The following SERPIND1 variants were observed in gnomAD, a reference collection of about 807,000 sequenced individuals.
SERPIND1 encodes the protein serpin family D member 1.
A neutral mutation model predicts 35.0 loss-of-function variants in SERPIND1; 34 were observed. The ratio of observed to expected loss-of-function variants is 0.97; its 90% confidence interval spans 0.74 to 1.29. The LOEUF (loss-of-function observed/expected upper bound fraction) is 1.29, where lower values mean the gene tolerates loss of function less well. Among genes scored for constraint, SERPIND1 ranks in the 50% most tolerant of loss-of-function variants. SERPIND1 has a pLI of 0.00. For synonymous variants in SERPIND1, 236 were observed against 241.1 expected (o/e 0.98, Z 0.19); for missense variants, 633 against 637.7 (o/e 0.99, Z 0.08).
At chr22:20,783,854 G>A (rs1933989949) in intron 2 of SERPIND1, 118 bp from the exon 3 acceptor site, 3 of 1,333,942 alleles carry the variant, frequency 2.2e-6, no homozygotes, top group East Asian at 4.6e-5. Context: ...GAGACTGTGG[G>A]GTCGGCTCTG....
chr22:20,775,104 C>T (rs901349832), intron 1 of SERPIND1, among the ~76,000 whole-genome samples: 2 of 151,926 alleles, frequency 1.3e-5, no homozygotes, highest in East Asian at 1.9e-4. Flanking sequence ...GGAGGGATGA[C>T]GGTTTATCAA....
intron 4 of SERPIND1, among the ~76,000 whole-genome samples, chr22:20,786,397 C>T (rs938219991): frequency 3.9e-5 from 6 of 152,202 alleles, no homozygotes; most frequent in African/African-American, 1.4e-4. Flanking sequence ...GCCCCACTCC[C>T]GCTGACACCA....
chr22:20,785,365 C>G (rs1934136303), intron 3 of SERPIND1, among the ~76,000 whole-genome samples: 2 of 152,232 alleles, frequency 1.3e-5, no homozygotes, highest in Non-Finnish European at 1.5e-5. Flanking sequence ...GCCGCTGTGC[C>G]TGGCCCATTT....
intron 1 of SERPIND1, among the ~76,000 whole-genome samples, chr22:20,778,458 C>T (rs1933477957): frequency 6.6e-6 from 1 of 152,088 alleles, no homozygotes; most frequent in Admixed American, 6.6e-5. Context: ...AAGCCGAGAT[C>T]GCGCCACTGC....
At chr22:20,777,627 T>C (rs1414701378) in intron 1 of SERPIND1, among the ~76,000 whole-genome samples, 4 of 152,236 alleles carry the variant, frequency 2.6e-5, no homozygotes, top group African/African-American at 9.6e-5. Flanking sequence ...GTTGGGATTA[T>C]AGGCGTAAGC....
chr22:20,784,153 T>C lies in SERPIND1; in HGVS notation c.1071T>C (p.Ile357=). 6.2e-7 allele frequency: 1 copy of C among 1,614,116 alleles called. No individual in the cohort carries two copies. The change falls in exon 3 of 5, where the codon ATT becomes ATC. Residue 357 remains isoleucine, a synonymous_variant. Coordinates refer to ENST00000215727, the MANE Select transcript of SERPIND1 (RefSeq NM_000185.4). ...ACGTGGGGGGCATCAGCATGCTAATTGTGGTCCCACACAAGATGTCTGGGA... is the reference window on the plus strand; with the variant it reads ...ACGTGGGGGGCATCAGCATGCTAATCGTGGTCCCACACAAGATGTCTGGGA... ...LEYVGGISML[I]VVPHKMSGMK...
intron 4 of SERPIND1, among the ~76,000 whole-genome samples, chr22:20,786,464 G>T (rs1430175632): frequency 6.6e-6 from 1 of 152,192 alleles, no homozygotes; most frequent in Non-Finnish European, 1.5e-5. Context: ...GCCAAATCAT[G>T]AAAGAGCCAT....
chr22:20,784,543 T>A (rs984979557), intron 3 of SERPIND1, among the ~76,000 whole-genome samples: 1 of 152,124 alleles, frequency 6.6e-6, no homozygotes, highest in African/African-American at 2.4e-5. Flanking sequence ...TCATCATCCC[T>A]AAAATGGGTA....
chr22:20,777,219 C>CT (rs374097207), intron 1 of SERPIND1, among the ~76,000 whole-genome samples: 4,553 of 140,966 alleles, frequency 0.032, 83 homozygotes, highest in Middle Eastern at 0.064. Flanking sequence ...TTTTTCTTTT[C>CT]TTTTTTTTTT....
chr22:20,783,948 A>C (rs1934000033), intron 2 of SERPIND1, 24 bp from the exon 3 acceptor site: 1 of 1,614,030 alleles, frequency 6.2e-7, no homozygotes, highest in South Asian at 1.1e-5. Context: ...TTCTCATAAC[A>C]GCCTCTTCCT....
intron 2 of SERPIND1, among the ~76,000 whole-genome samples, chr22:20,781,424 T>C (rs1933789403): frequency 6.6e-6 from 1 of 152,256 alleles, no homozygotes. Flanking sequence ...CAGTGCTTTC[T>C]GCTAGTTAGC....
chr22:20,786,587 C>T (rs532126904), intron 4 of SERPIND1, among the ~76,000 whole-genome samples: 10 of 152,306 alleles, frequency 6.6e-5, no homozygotes, highest in Admixed American at 3.3e-4. Flanking sequence ...CGGAGAAGTG[C>T]GCAGCAGTGT....
intron 4 of SERPIND1, 30 bp downstream of exon 4, chr22:20,786,178 G>A (rs893542021): frequency 1.7e-5 from 28 of 1,612,376 alleles, no homozygotes; most frequent in Middle Eastern, 3.7e-4. Flanking sequence ...CCCCCGACCC[G>A]TCCCCAGGGT....
At chr22:20,781,933 G>C (rs555813499) in intron 2 of SERPIND1, among the ~76,000 whole-genome samples, 2 of 152,190 alleles carry the variant, frequency 1.3e-5, no homozygotes, top group African/African-American at 4.8e-5. Flanking sequence ...AACCATAAGC[G>C]ATGGCAATGC....
Position 20,779,688 on chromosome 22 carries a change from C to A in SERPIND1, c.376C>A (p.Leu126Ile). Residue 126 changes from leucine to isoleucine, a missense_variant, in exon 2 of 5, where the codon CTT becomes ATT. Transcript: ENST00000215727. ...TCATGGCAAGAGCCGGATCCAGCGT[C>A]TTAACATCCTCAACGCCAAGTTCGC... is the stretch of plus-strand genomic sequence containing the variant. ...LFHGKSRIQRLNILNAKFAFN... is the reference protein window; with the variant it reads ...LFHGKSRIQRINILNAKFAFN... The A allele has an allele frequency of 1.2e-6, 2 of 1,614,258 alleles. No homozygotes were observed. Among genetic ancestry groups the A allele is most frequent in the Non-Finnish European group, 1.7e-6 (2 of 1,180,040 alleles).
At chr22:20,784,307 T>C (rs984515486) in intron 3 of SERPIND1, 62 bp downstream of exon 3, 3 of 1,605,236 alleles carry the variant, frequency 1.9e-6, no homozygotes, top group Non-Finnish European at 2.6e-6. Context: ...CTGGGAATAC[T>C]GGAAAATGGA....
chr22:20,776,806 G>A (rs1272097511), intron 1 of SERPIND1, among the ~76,000 whole-genome samples: 2 of 152,186 alleles, frequency 1.3e-5, no homozygotes, highest in African/African-American at 2.4e-5. Flanking sequence ...TATACAGCGT[G>A]TCAGGCATCC....
In SERPIND1 at chr22:20,779,677, G is replaced by A. The variant is rs776080500; in HGVS notation, c.365G>A (p.Arg122Gln). 5.0e-6 allele frequency: 8 copies of A among 1,614,130 alleles called. No individual in the cohort carries two copies. The highest frequency in any genetic ancestry group is 3.3e-5 in the South Asian group (3 of 91,090). ...CTCCAGCTTTTTCATGGCAAGAGCCGGATCCAGCGTCTTAACATCCTCAAC... is the reference window on the plus strand; with the variant it reads ...CTCCAGCTTTTTCATGGCAAGAGCCAGATCCAGCGTCTTAACATCCTCAAC... ...NILQLFHGKSRIQRLNILNAK... is the reference protein window; with the variant it reads ...NILQLFHGKSQIQRLNILNAK... The change falls in exon 2 of 5, where the codon CGG (arginine) becomes CAG (glutamine). Residue 122 changes from arginine to glutamine, a missense_variant. Physicochemically the swap from Arg to Gln is conservative, Grantham distance 43. Transcript: ENST00000215727.
chr22:20,781,597 T>C (rs1480110092), intron 2 of SERPIND1, among the ~76,000 whole-genome samples: 2 of 152,184 alleles, frequency 1.3e-5, no homozygotes, highest in African/African-American at 2.4e-5. Flanking sequence ...TTCTGCTGGA[T>C]AGGCCAAGCA....
Sources: allele counts gnomAD v4.1 joint callset (sites outside exome capture counted in the v4.1 genomes callset), GRCh38; gene constraint gnomAD v4.1.1; transcripts MANE v1.5; gene names NCBI Gene and HGNC (gene_info 2026-07-23, HGNC 2026-07-21).